The following IL1RL2 variants were observed in gnomAD, a reference collection of about 807,000 sequenced individuals.
The protein encoded by IL1RL2 is interleukin 1 receptor like 2.
A neutral mutation model predicts 66.8 loss-of-function variants in IL1RL2; 68 were observed. The observed-to-expected ratio is 1.02, with a 90% CI of 0.84 to 1.25. The LOEUF is 1.25. Among genes scored for constraint, IL1RL2 ranks in the 50% most tolerant of loss-of-function variants. IL1RL2 has a pLI of 0.00. For missense variants in IL1RL2, 729 were observed against 709.3 expected (o/e 1.03, Z -0.32); for synonymous variants, 305 against 264.6 (o/e 1.15, Z -1.48).
At chr2:102,237,579 T>C (rs983061827) in intron 11 of IL1RL2, among the ~76,000 whole-genome samples, 7 of 152,210 alleles carry the variant, frequency 4.6e-5, no homozygotes, top group Non-Finnish European at 1.0e-4. Flanking sequence ...AAACAGCCTG[T>C]TTTAATTAAA....
At chr2:102,226,181 CT>C in intron 9 of IL1RL2, 140 bp downstream of exon 9, 1 of 597,032 alleles carries the variant, frequency 1.7e-6, no homozygotes, top group Non-Finnish European at 2.7e-6. Flanking sequence ...ACTGCCTGTG[CT>C]TTAGAGAAAT....
intron 7 of IL1RL2, among the ~76,000 whole-genome samples, chr2:102,219,677 T>C (rs537735423): frequency 6.6e-6 from 1 of 152,268 alleles, no homozygotes; most frequent in East Asian, 1.9e-4. Flanking sequence ...AGAACCATAC[T>C]TCCTTGTCAC....
At chr2:102,240,687 T>C (rs1253992537), downstream of IL1RL2, among the ~76,000 whole-genome samples, 1 of 152,204 alleles carries the variant, frequency 6.6e-6, no homozygotes, top group Admixed American at 6.5e-5. Context: ...CTGGTCCCCC[T>C]GTCAATCACG....
chr2:102,225,253 A>G (rs972576484), intron 8 of IL1RL2, among the ~76,000 whole-genome samples: 33 of 152,208 alleles, frequency 2.2e-4, no homozygotes, highest in Non-Finnish European at 4.1e-4. Context: ...TGTACTCATG[A>G]AACAGGCTAG....
intron 5 of IL1RL2, among the ~76,000 whole-genome samples, chr2:102,208,884 G>T (rs933354459): frequency 6.6e-6 from 1 of 151,982 alleles, no homozygotes; most frequent in Non-Finnish European, 1.5e-5. Flanking sequence ...AGGTTTTTTT[G>T]ATTTTCCTGC....
At chr2:102,220,509 T>G (rs190154972) in intron 8 of IL1RL2, among the ~76,000 whole-genome samples, 2 of 152,272 alleles carry the variant, frequency 1.3e-5, no homozygotes, top group African/African-American at 2.4e-5. Context: ...AACTAATTGA[T>G]TATGCATTGG....
chr2:102,240,361 CTTTTTTTTTTTTTTT>C (rs551743835), downstream of IL1RL2, among the ~76,000 whole-genome samples: 3 of 79,794 alleles, frequency 3.8e-5, no homozygotes, highest in East Asian at 4.8e-4. Flanking sequence ...TCTTCTCCTC[CTTTTTTTTTTTTTTT>C]TTTTTTTTTT....
chr2:102,238,694 T>G (rs1247878379), intron 11 of IL1RL2, among the ~76,000 whole-genome samples: 4 of 152,102 alleles, frequency 2.6e-5, no homozygotes, highest in Non-Finnish European at 5.9e-5. Flanking sequence ...CCAGATGAGG[T>G]CTGGAGTGAG....
intron 9 of IL1RL2, among the ~76,000 whole-genome samples, chr2:102,227,711 G>A (rs1051907925): frequency 2.0e-5 from 3 of 152,126 alleles, no homozygotes; most frequent in Admixed American, 6.5e-5. Flanking sequence ...ACAGAGTTGA[G>A]TGGTTCAGTT....
intron 7 of IL1RL2, among the ~76,000 whole-genome samples, chr2:102,219,484 C>G (rs1178288788): frequency 6.6e-6 from 1 of 152,162 alleles, no homozygotes; most frequent in Non-Finnish European, 1.5e-5. Flanking sequence ...AGTGCATAAT[C>G]ATTAGCTAAT....
chr2:102,199,939 C>T (rs553273563), intron 4 of IL1RL2, among the ~76,000 whole-genome samples: 1 of 151,980 alleles, frequency 6.6e-6, no homozygotes, highest in Non-Finnish European at 1.5e-5. Context: ...TGGGCAGACT[C>T]CTTGAGCTCA....
chr2:102,219,739 G>C lies in IL1RL2; in HGVS notation c.855-142G>C, dbSNP rs574198222. The C allele has an allele frequency of 5.5e-6, 4 of 722,228 alleles. No individual in the cohort carries two copies. The South Asian group carries it at 6.0e-5, about 11-fold the overall frequency. The allele number at this position is 722,228 out of a possible 1,614,324, so 44.7% of individuals were successfully genotyped here. On this transcript the variant is annotated intron_variant, in intron 7 of 11. Transcript: ENST00000264257. ...AATATACAATCTACAAACCTCACTG[G>C]GCCAGTCAGCAAAGTATTTTTAGGA...
At chr2:102,196,594 G>A (rs1687804829) in intron 4 of IL1RL2, among the ~76,000 whole-genome samples, 2 of 152,156 alleles carry the variant, frequency 1.3e-5, no homozygotes, top group South Asian at 4.1e-4. Flanking sequence ...TTTTATTACA[G>A]CATGAGGTGA....
intron 11 of IL1RL2, among the ~76,000 whole-genome samples, chr2:102,238,306 T>C (rs1286244707): frequency 1.3e-5 from 2 of 152,036 alleles, no homozygotes; most frequent in East Asian, 3.9e-4. Context: ...AGTCGGCTCA[T>C]GAGAGAGGCC....
rs1420882131 is a variant in IL1RL2, at chr2:102,189,279, G to C, written c.262G>C (p.Gly88Arg). 2 of 1,612,720 alleles carry C rather than the reference G, an allele frequency of 1.2e-6. No individual in the cohort carries two copies. Among genetic ancestry groups the C allele is most frequent in the Non-Finnish European group, 8.5e-7 (1 of 1,179,382 alleles). The change falls in exon 3 of 12, where the codon GGG (glycine) becomes CGG (arginine). Residue 88 changes from glycine to arginine, a missense_variant. Gly to Arg is a moderately radical substitution (Grantham distance 125). Coordinates refer to ENST00000264257, the MANE Select transcript of IL1RL2 (RefSeq NM_003854.4). The stretch of plus-strand genomic sequence containing the variant: ...GATTTTGTTTCTCCCCATGGAATGG[G>C]GGGACTCAGGAGTCTACCAATGTGT... The part of the protein sequence containing the change: ...TWILFLPMEW[G>R]DSGVYQCVIK...
Position 102,192,868 on chromosome 2 carries a change from A to G in IL1RL2, c.489+748A>G, listed in dbSNP as rs1178463853. On this transcript the variant is annotated intron_variant, in intron 4 of 11. Transcript: ENST00000264257. ...TTCTTTAATGGTGAAAGAATTACGC[A>G]AATTTCTTACTTTCTCTTGTGTGAG... Among the ~76,000 whole-genome samples, 9 of 152,320 alleles carry G rather than the reference A, an allele frequency of 5.9e-5. No individual in the cohort carries two copies. The East Asian group carries it at 7.7e-4, about 13-fold the overall frequency.
chr2:102,189,658 C>T (rs1418950881), intron 3 of IL1RL2, among the ~76,000 whole-genome samples: 18 of 152,104 alleles, frequency 1.2e-4, no homozygotes, highest in Non-Finnish European at 2.9e-5. Flanking sequence ...CGCTCCGTCA[C>T]CAGGCTGGAG....
intron 4 of IL1RL2, among the ~76,000 whole-genome samples, chr2:102,198,425 C>A (rs1398874530): frequency 6.6e-6 from 1 of 152,164 alleles, no homozygotes; most frequent in East Asian, 1.9e-4. Context: ...GTAATGTCCC[C>A]AATTTTGTTT....
intron 4 of IL1RL2, among the ~76,000 whole-genome samples, chr2:102,193,051 C>T (rs1199600830): frequency 6.6e-6 from 1 of 152,146 alleles, no homozygotes; most frequent in Non-Finnish European, 1.5e-5. Flanking sequence ...CTCTTACACA[C>T]ATACACACAC....
Sources: gnomAD v4.1 joint callset for allele counts (sites outside exome capture counted in the v4.1 genomes callset) on GRCh38, gnomAD v4.1.1 for gene constraint, MANE v1.5 for transcripts, NCBI Gene and HGNC (gene_info 2026-07-23, HGNC 2026-07-21) for gene names.